Variants in VTI1A observed in about 807,000 individuals in gnomAD.
VTI1A encodes vesicle transport through interaction with t-SNAREs 1A.
In VTI1A, 22 loss-of-function variants were observed where a neutral mutation model predicts 34.9. That is an observed-to-expected ratio of 0.63 (90% confidence interval 0.45 to 0.90). The LOEUF (loss-of-function observed/expected upper bound fraction) is 0.90, where lower values mean the gene tolerates loss of function less well. Among genes scored for constraint, VTI1A ranks in the 40% least tolerant of loss-of-function variants. The probability of loss-of-function intolerance (pLI) is 0.00; values close to 1 mark genes in which losing one functional copy is unlikely to be tolerated. For synonymous variants in VTI1A, 87 were observed against 97.3 expected (o/e 0.89, Z 0.62); for missense variants, 268 against 275.6 (o/e 0.97, Z 0.20).
At chr10:112,529,303 A>G (rs1377204751) in intron 4 of VTI1A, among the ~76,000 whole-genome samples, 1 of 152,124 alleles carries the variant, frequency 6.6e-6, no homozygotes, top group Non-Finnish European at 1.5e-5. Flanking sequence ...TCCATTTCAT[A>G]TGAAGTCATT....
At chr10:112,587,191 G>A (rs189421672) in intron 5 of VTI1A, among the ~76,000 whole-genome samples, 208 of 152,204 alleles carry the variant, frequency 1.4e-3, no homozygotes, top group African/African-American at 4.8e-3. Context: ...TTCTGCTTGT[G>A]CTACTTCCAA....
intron 3 of VTI1A, among the ~76,000 whole-genome samples, chr10:112,477,676 G>A (rs540854300): frequency 3.1e-4 from 47 of 152,156 alleles, no homozygotes; most frequent in Admixed American, 5.2e-4. Flanking sequence ...GCCTTGGTGT[G>A]AAATGTCTGA....
intron 5 of VTI1A, among the ~76,000 whole-genome samples, chr10:112,598,070 C>G (rs369294254): frequency 6.6e-6 from 1 of 152,130 alleles, no homozygotes; most frequent in Non-Finnish European, 1.5e-5. Flanking sequence ...ATAGAAAGTA[C>G]TGAGCATGAG....
At chr10:112,541,887 A>T (rs1472585646) in intron 5 of VTI1A, among the ~76,000 whole-genome samples, 5 of 152,204 alleles carry the variant, frequency 3.3e-5, no homozygotes, top group African/African-American at 1.2e-4. Context: ...ATGAAGCTAC[A>T]AGTTAATTGA....
intron 5 of VTI1A, among the ~76,000 whole-genome samples, chr10:112,579,713 T>C (rs1175002766): frequency 6.6e-6 from 1 of 152,002 alleles, no homozygotes. Context: ...CAGAGAATAC[T>C]AATAGAGAAG....
At chr10:112,507,591 C>A (rs1849474460) in intron 3 of VTI1A, among the ~76,000 whole-genome samples, 1 of 152,182 alleles carries the variant, frequency 6.6e-6, no homozygotes, top group African/African-American at 2.4e-5. Context: ...CCCAAGATCT[C>A]AGAGCACTTA....
In VTI1A at chr10:112,676,861, C is replaced by T. The variant is rs563158693; in HGVS notation, c.560+7863C>T. 5.3e-5 allele frequency among the ~76,000 whole-genome samples: 8 copies of T among 152,264 alleles called. No homozygotes were observed. In the East Asian group the frequency reaches 1.5e-3, roughly 29 times the overall value. ...ACACAGTGTTGGAATCTAAAGGTTC[C>T]AACAATATTGTCAGGACTGGGTCTT... On this transcript the variant is annotated intron_variant, in intron 7 of 7. Coordinates refer to ENST00000393077, the MANE Select transcript of VTI1A (RefSeq NM_145206.4).
At chr10:112,770,562 A>AT (rs58004822) in intron 7 of VTI1A, among the ~76,000 whole-genome samples, 11,987 of 139,622 alleles carry the variant, frequency 0.086, 607 homozygotes, top group East Asian at 0.25. Flanking sequence ...CGCCCGGCTA[A>AT]TTTTTTTTTT....
Position 112,490,051 on chromosome 10 carries a change from A to AT in VTI1A, c.264+25399dup, listed in dbSNP as rs572062816. On this transcript the variant is annotated intron_variant, in intron 3 of 7. Coordinates refer to ENST00000393077, the MANE Select transcript of VTI1A (RefSeq NM_145206.4). The stretch of plus-strand genomic sequence containing the variant: ...ACTCTCTATTAAACTTACCTGATAT[A>AT]TTTTTACCCAGTTGAAATGACTTGT... Among the ~76,000 whole-genome samples, 711 of 152,156 alleles carry AT rather than the reference A, an allele frequency of 4.7e-3. 6 individuals carry two copies. Among genetic ancestry groups the AT allele is most frequent in the African/African-American group, 0.016 (662 of 41,526 alleles).
chr10:112,587,707 T>G (rs1282134259), intron 5 of VTI1A, among the ~76,000 whole-genome samples: 2 of 152,098 alleles, frequency 1.3e-5, no homozygotes, highest in Non-Finnish European at 2.9e-5. Flanking sequence ...ACAGATACAA[T>G]TAGAACTAAG....
chr10:112,741,024 T>G (rs914252208), intron 7 of VTI1A, among the ~76,000 whole-genome samples: 1 of 152,210 alleles, frequency 6.6e-6, no homozygotes, highest in East Asian at 1.9e-4. Flanking sequence ...CCTGAAAACA[T>G]GCTCAGTAAA....
At chr10:112,461,787 G>A (rs1038290308) in intron 2 of VTI1A, among the ~76,000 whole-genome samples, 13 of 152,144 alleles carry the variant, frequency 8.5e-5, no homozygotes, top group African/African-American at 2.4e-4. Context: ...GCACAATCTC[G>A]GCTCACTGCA....
At chr10:112,833,796 A>G in the VTI1A span, among the ~76,000 whole-genome samples, 3 of 152,122 alleles carry the variant, frequency 2.0e-5, no homozygotes, top group South Asian at 2.1e-4. Flanking sequence ...GCCATGTTCA[A>G]TCCCTGTGGC....
intron 7 of VTI1A, among the ~76,000 whole-genome samples, chr10:112,711,869 C>T (rs1849428054): frequency 6.6e-6 from 1 of 152,080 alleles, no homozygotes; most frequent in African/African-American, 2.4e-5. Flanking sequence ...AGTGTGGTTC[C>T]CTCTATGTGG....
chr10:112,524,072 G>A (rs1175928077), intron 3 of VTI1A, among the ~76,000 whole-genome samples: 1 of 151,764 alleles, frequency 6.6e-6, no homozygotes, highest in Admixed American at 6.6e-5. Flanking sequence ...ACTTATTGAT[G>A]TTTTAGAGGA....
chr10:112,737,754 A>G, intron 7 of VTI1A: 1 of 1,059,798 alleles, frequency 9.4e-7, no homozygotes, highest in African/African-American at 1.6e-5. Flanking sequence ...CTTTCCTCTC[A>G]GGACATACTT....
chr10:112,687,188 C>T (rs1295329693), intron 7 of VTI1A, among the ~76,000 whole-genome samples: 1 of 140,562 alleles, frequency 7.1e-6, no homozygotes, highest in Non-Finnish European at 1.5e-5. Flanking sequence ...AACTTCACCA[C>T]ATCAACAAAA....
intron 7 of VTI1A, among the ~76,000 whole-genome samples, chr10:112,807,360 G>A (rs1201713895): frequency 6.6e-6 from 1 of 152,190 alleles, no homozygotes; most frequent in Non-Finnish European, 1.5e-5. Context: ...GGAGTTGACA[G>A]GGCGATGCTC....
At chr10:112,703,001 T>G in intron 7 of VTI1A, among the ~76,000 whole-genome samples, 1 of 152,198 alleles carries the variant, frequency 6.6e-6, no homozygotes, top group South Asian at 2.1e-4. Context: ...TTAAACTCAG[T>G]AGTGATCTGA....
Sources: allele counts gnomAD v4.1 joint callset (sites outside exome capture counted in the v4.1 genomes callset), GRCh38; gene constraint gnomAD v4.1.1; transcripts MANE v1.5; gene names NCBI Gene and HGNC (gene_info 2026-07-23, HGNC 2026-07-21).